The following MALRD1 variants were observed in gnomAD, a reference collection of about 807,000 sequenced individuals.
The protein encoded by MALRD1 is MAM and LDL receptor class A domain containing 1.
In MALRD1, 247 loss-of-function variants were observed where a neutral mutation model predicts 242.1. That is an observed-to-expected ratio of 1.02 (90% confidence interval 0.92 to 1.13). The LOEUF (loss-of-function observed/expected upper bound fraction) is 1.13, where lower values mean the gene tolerates loss of function less well. MALRD1 is among the 50% of genes most tolerant of loss of function. The pLI, the probability that MALRD1 is intolerant of heterozygous loss-of-function variation, is 0.00. For synonymous variants in MALRD1, 995 were observed against 866.6 expected, an observed-to-expected ratio of 1.15 and a Z score of -2.60; for missense variants, 2,989 against 2,533.1, an observed-to-expected ratio of 1.18 and a Z score of -3.86.
intron 4 of MALRD1, among the ~76,000 whole-genome samples, chr10:19,101,944 AT>A (rs1836276509): frequency 7.3e-6 from 1 of 137,142 alleles, no homozygotes; most frequent in South Asian, 2.2e-4. Context: ...TTGATTAAAA[AT>A]ATCTGTATCT....
chr10:19,480,090 G>A (rs781635582), intron 29 of MALRD1, among the ~76,000 whole-genome samples: 25 of 152,316 alleles, frequency 1.6e-4, no homozygotes, highest in Non-Finnish European at 3.1e-4. Flanking sequence ...ATGTGGCTGA[G>A]GAGGGACAAG....
At chr10:19,547,815 TATA>T (rs1405994989) in intron 32 of MALRD1, among the ~76,000 whole-genome samples, 28 of 16,932 alleles carry the variant, frequency 1.7e-3, no homozygotes, top group East Asian at 5.0e-3. Flanking sequence ...TATATATATA[TATA>T]TTTTTTTTTT....
chr10:19,711,511 A>G (rs371861587), intron 38 of MALRD1, among the ~76,000 whole-genome samples: 12 of 152,240 alleles, frequency 7.9e-5, no homozygotes, highest in Admixed American at 4.6e-4. Flanking sequence ...CACTTCATAG[A>G]AAGCACTGGA....
At chr10:19,059,974 A>C (rs1046587029) in intron 1 of MALRD1, among the ~76,000 whole-genome samples, 1 of 152,210 alleles carries the variant, frequency 6.6e-6, no homozygotes, top group South Asian at 2.1e-4. Context: ...TGTCAAAGTT[A>C]TATTAGCAAA....
intron 29 of MALRD1, among the ~76,000 whole-genome samples, chr10:19,458,482 T>G (rs1589112126): frequency 6.6e-6 from 1 of 152,334 alleles, no homozygotes; most frequent in Middle Eastern, 3.4e-3. Context: ...TTGAAGAATT[T>G]TGATTATCAA....
At chr10:19,728,734 C>A (rs916453568) in intron 38 of MALRD1, among the ~76,000 whole-genome samples, 1 of 152,128 alleles carries the variant, frequency 6.6e-6, no homozygotes, top group Non-Finnish European at 1.5e-5. Flanking sequence ...ACTTCCATGT[C>A]CAATTTTTCC....
At chr10:19,694,557 A>C (rs1489462580) in intron 38 of MALRD1, among the ~76,000 whole-genome samples, 4 of 152,212 alleles carry the variant, frequency 2.6e-5, no homozygotes, top group Non-Finnish European at 4.4e-5. Context: ...GGCGATCATT[A>C]AAAAGTCAGG....
At chr10:19,629,781 C>A (rs1839826366) in intron 36 of MALRD1, among the ~76,000 whole-genome samples, 1 of 152,154 alleles carries the variant, frequency 6.6e-6, no homozygotes, top group Non-Finnish European at 1.5e-5. Context: ...TTTCCCCAAT[C>A]AGGCCTCCCC....
intron 18 of MALRD1, among the ~76,000 whole-genome samples, chr10:19,216,741 C>T (rs752096142): frequency 1.4e-4 from 21 of 151,554 alleles, no homozygotes; most frequent in East Asian, 1.2e-3. Flanking sequence ...GTCAGGAGAT[C>T]GAGACCATCC....
At chr10:19,578,323 T>G (rs1836931729) in intron 33 of MALRD1, among the ~76,000 whole-genome samples, 1 of 152,132 alleles carries the variant, frequency 6.6e-6, no homozygotes, top group South Asian at 2.1e-4. Context: ...CAACAAACAG[T>G]GACTGTGTAT....
chr10:19,337,011 C>G (rs1455018405), intron 24 of MALRD1, among the ~76,000 whole-genome samples: 1 of 151,842 alleles, frequency 6.6e-6, no homozygotes, highest in Non-Finnish European at 1.5e-5. Flanking sequence ...GCATGTACTT[C>G]TTTGTTAAAC....
intron 36 of MALRD1, among the ~76,000 whole-genome samples, chr10:19,668,774 CA>C (rs1037417969): frequency 6.6e-6 from 1 of 150,524 alleles, no homozygotes; most frequent in Non-Finnish European, 1.5e-5. Flanking sequence ...CCTTCTCCTC[CA>C]AAAAAAGAGT....
intron 12 of MALRD1, among the ~76,000 whole-genome samples, chr10:19,156,093 C>A (rs1450971509): frequency 1.3e-5 from 2 of 152,084 alleles, no homozygotes; most frequent in Non-Finnish European, 2.9e-5. Flanking sequence ...ATCAGTAGTG[C>A]CACACAGTAA....
At chr10:19,250,379 T>C (rs1454941383) in intron 18 of MALRD1, among the ~76,000 whole-genome samples, 1 of 152,006 alleles carries the variant, frequency 6.6e-6, no homozygotes, top group Non-Finnish European at 1.5e-5. Context: ...TTTTTAGGAT[T>C]TGGAAAAACT....
At chr10:19,429,178 G>T (rs187011943) in intron 28 of MALRD1, among the ~76,000 whole-genome samples, 1 of 152,166 alleles carries the variant, frequency 6.6e-6, no homozygotes, top group Non-Finnish European at 1.5e-5. Context: ...TTATCTTCAC[G>T]TTACAACTGA....
intron 38 of MALRD1, among the ~76,000 whole-genome samples, chr10:19,698,934 A>G (rs1404179629): frequency 3.3e-5 from 5 of 152,136 alleles, no homozygotes; most frequent in South Asian, 4.1e-4. Context: ...TTAGCAAACT[A>G]ACACAGGAAC....
At chr10:19,442,858 C>G (rs1205739416) in intron 28 of MALRD1, among the ~76,000 whole-genome samples, 1 of 152,160 alleles carries the variant, frequency 6.6e-6, no homozygotes, top group Non-Finnish European at 1.5e-5. Flanking sequence ...AGGATTCCCT[C>G]TTTCTCTCTT....
intron 33 of MALRD1, among the ~76,000 whole-genome samples, chr10:19,574,455 A>C (rs191889894): frequency 6.6e-6 from 1 of 152,178 alleles, no homozygotes; most frequent in African/African-American, 2.4e-5. Context: ...TCAGCCTCCA[A>C]AGTTGTTCTC....
chr10:19,637,396 T>C (rs964197803), intron 36 of MALRD1, among the ~76,000 whole-genome samples: 1 of 152,186 alleles, frequency 6.6e-6, no homozygotes, highest in Non-Finnish European at 1.5e-5. Context: ...AAGTATAGAT[T>C]AATCTTAAAT....
Sources: allele counts gnomAD v4.1 joint callset (sites outside exome capture counted in the v4.1 genomes callset), GRCh38; gene constraint gnomAD v4.1.1; transcripts MANE v1.5; gene names NCBI Gene and HGNC (gene_info 2026-07-23, HGNC 2026-07-21).